The following ADAM18 variants were observed in gnomAD, a reference collection of about 807,000 sequenced individuals.
ADAM18 encodes disintegrin and metalloproteinase domain-containing protein 18.
ADAM18 carries 117 observed loss-of-function variants against 94.4 expected under a neutral mutation model. That is an observed-to-expected ratio of 1.24 (90% CI 1.07 to 1.45). The LOEUF (loss-of-function observed/expected upper bound fraction) is 1.45. Ranked by LOEUF, ADAM18 falls within the 40% of genes most tolerant of loss-of-function variation. The pLI, the probability that ADAM18 is intolerant of heterozygous loss-of-function variation, is 0.00. For missense variants in ADAM18, 936 were observed against 880.0 expected, an observed-to-expected ratio of 1.06 and a Z score of -0.81; for synonymous variants, 327 against 291.6, an observed-to-expected ratio of 1.12 and a Z score of -1.24.
intron 13 of ADAM18, among the ~76,000 whole-genome samples, chr8:39,665,567 T>C (rs982258000): frequency 5.9e-5 from 9 of 152,236 alleles, no homozygotes; most frequent in African/African-American, 2.2e-4. Context: ...CAGACACTTA[T>C]GAGACTTACG....
chr8:39,606,248 G>T, intron 2 of ADAM18, 59 bp from the exon 3 acceptor site: 1 of 949,752 alleles, frequency 1.1e-6, no homozygotes, highest in Non-Finnish European at 1.6e-6. Context: ...GATGAATATT[G>T]TTTTATTTTA....
intron 19 of ADAM18, among the ~76,000 whole-genome samples, chr8:39,726,334 C>A (rs956659428): frequency 1.3e-5 from 2 of 151,356 alleles, no homozygotes; most frequent in African/African-American, 2.4e-5. Flanking sequence ...CCGTATGTTG[C>A]GTAGGCTTGT....
chr8:39,640,173 C>T (rs1041051229), intron 10 of ADAM18, among the ~76,000 whole-genome samples: 1 of 151,992 alleles, frequency 6.6e-6, no homozygotes, highest in African/African-American at 2.4e-5. Context: ...TGATCCTCTC[C>T]CACCTCCCAC....
At chr8:39,698,343 A>G (rs1419208591) in intron 17 of ADAM18, among the ~76,000 whole-genome samples, 1 of 151,936 alleles carries the variant, frequency 6.6e-6, no homozygotes, top group Non-Finnish European at 1.5e-5. Context: ...AATTTTTCTC[A>G]TATCTAAGCC....
rs1336715785 is a variant in ADAM18 at position 39,671,323 on chromosome 8, G to A, written c.1525+3127G>A. On this transcript the variant is annotated intron_variant, in intron 14 of 19. Coordinates refer to ENST00000265707, the MANE Select transcript of ADAM18 (RefSeq NM_014237.3). Reference sequence around the variant, plus strand: ...AGCTGGTACAATTGAAATTAATGGGGCAAATAGTAACTTTAAGGGTAATGG... The same window carrying A: ...AGCTGGTACAATTGAAATTAATGGGACAAATAGTAACTTTAAGGGTAATGG... Among the ~76,000 whole-genome samples the A allele has an allele frequency of 3.3e-5, 5 of 152,166 alleles. 1 individual carries two copies. The highest frequency in any genetic ancestry group is 7.2e-5 in the African/African-American group (3 of 41,438).
intron 6 of ADAM18, among the ~76,000 whole-genome samples, chr8:39,627,586 C>T (rs1225476521): frequency 3.3e-5 from 5 of 152,020 alleles, no homozygotes; most frequent in Non-Finnish European, 7.4e-5. Context: ...ACCCCTTTGC[C>T]TTGAATCTAT....
chr8:39,634,709 T>C (rs996106866), intron 7 of ADAM18, among the ~76,000 whole-genome samples: 1 of 152,200 alleles, frequency 6.6e-6, no homozygotes, highest in African/African-American at 2.4e-5. Flanking sequence ...CTTGGAATCA[T>C]ATAACTTGTT....
At chr8:39,616,396 C>A (rs892226518) in intron 6 of ADAM18, among the ~76,000 whole-genome samples, 1 of 152,142 alleles carries the variant, frequency 6.6e-6, no homozygotes, top group African/African-American at 2.4e-5. Flanking sequence ...GGTGACAGAA[C>A]AAGACTCCTT....
chr8:39,662,109 A>G (rs1275744983), intron 12 of ADAM18, among the ~76,000 whole-genome samples: 1 of 152,040 alleles, frequency 6.6e-6, no homozygotes, highest in Admixed American at 6.6e-5. Context: ...CTCACTGGTA[A>G]TCAGAGAAGT....
At chr8:39,688,115 C>T (rs1209022652) in intron 16 of ADAM18, among the ~76,000 whole-genome samples, 1 of 152,184 alleles carries the variant, frequency 6.6e-6, no homozygotes, top group Non-Finnish European at 1.5e-5. Context: ...CATTTCTCTG[C>T]AGCCTTACTG....
intron 2 of ADAM18, among the ~76,000 whole-genome samples, chr8:39,593,650 T>A (rs1818645197): frequency 6.6e-6 from 1 of 152,160 alleles, no homozygotes; most frequent in Non-Finnish European, 1.5e-5. Context: ...TGGGGAAGGA[T>A]AGTCGAAAGA....
chr8:39,641,721 T>C (rs1820242669), intron 10 of ADAM18, among the ~76,000 whole-genome samples: 1 of 152,152 alleles, frequency 6.6e-6, no homozygotes, highest in African/African-American at 2.4e-5. Flanking sequence ...AATCTCATTC[T>C]TTTTTATGGC....
Position 39,692,260 on chromosome 8 carries a change from A to G in ADAM18, c.1822-340A>G, listed in dbSNP as rs374927406. 3.7e-4 allele frequency among the ~76,000 whole-genome samples: 56 copies of G among 151,960 alleles called. 1 individual carries two copies. In the East Asian group the frequency reaches 8.3e-3, roughly 22 times the overall value. On this transcript the variant is annotated intron_variant, in intron 16 of 19. Transcript: ENST00000265707. ...GTCATTAACATCTAATCAATTATTC[A>G]TAACAAAACATTAACATAATATAGA...
At position 39,706,615 on chromosome 8, in the gene ADAM18, G is replaced by A. The variant is rs1822248513; in HGVS notation, c.1903-175G>A. Among the ~76,000 whole-genome samples, 4 of 152,038 alleles carry A rather than the reference G, an allele frequency of 2.6e-5. No homozygotes were observed. In the South Asian group the frequency reaches 6.2e-4, roughly 24 times the overall value. ...AGGTATTTTCCCATTTGGCCATTAT[G>A]TTGTCAAAATTTTTACCACTTTTTC... On this transcript the variant is annotated intron_variant, in intron 17 of 19. Transcript: ENST00000265707.
intron 13 of ADAM18, among the ~76,000 whole-genome samples, chr8:39,664,962 T>C (rs866051943): frequency 6.6e-6 from 1 of 152,272 alleles, no homozygotes. Context: ...TATAATTTAA[T>C]ATACTAAAAT....
intron 12 of ADAM18, among the ~76,000 whole-genome samples, chr8:39,655,088 C>T (rs560164318): frequency 6.6e-6 from 1 of 151,784 alleles, no homozygotes; most frequent in African/African-American, 2.4e-5. Flanking sequence ...TTTAGTCTTG[C>T]TTAAAAAAAA....
At chr8:39,592,349 A>G (rs992712835) in intron 2 of ADAM18, among the ~76,000 whole-genome samples, 1 of 152,158 alleles carries the variant, frequency 6.6e-6, no homozygotes, top group African/African-American at 2.4e-5. Context: ...TACATTGATA[A>G]AAAAAGGAAT....
chr8:39,620,078 T>C (rs1031606120), intron 6 of ADAM18, among the ~76,000 whole-genome samples: 2 of 152,076 alleles, frequency 1.3e-5, no homozygotes, highest in East Asian at 3.8e-4. Flanking sequence ...CATCCTTTTT[T>C]ATTTTTTATT....
intron 14 of ADAM18, among the ~76,000 whole-genome samples, chr8:39,673,675 T>G (rs1821218820): frequency 1.3e-5 from 2 of 152,192 alleles, no homozygotes; most frequent in South Asian, 4.1e-4. Flanking sequence ...CTTTTGAATT[T>G]GTTTACTCTT....
Sources: allele counts gnomAD v4.1 joint callset (sites outside exome capture counted in the v4.1 genomes callset), GRCh38; gene constraint gnomAD v4.1.1; transcripts MANE v1.5; gene names NCBI Gene and HGNC (gene_info 2026-07-23, HGNC 2026-07-21).